MPP7: variants seen among roughly 807,000 people sequenced by gnomAD.
The protein encoded by MPP7 is MAGUK p55 scaffold protein 7.
A neutral mutation model predicts 76.5 loss-of-function variants in MPP7; 60 were observed. The observed-to-expected ratio is 0.78, with a 90% CI of 0.64 to 0.97. The LOEUF (loss-of-function observed/expected upper bound fraction) is 0.97. Ranked by LOEUF, MPP7 falls within the 50% of genes least tolerant of loss-of-function variation. MPP7 has a pLI of 0.00. For missense variants in MPP7, 641 were observed against 694.0 expected, an observed-to-expected ratio of 0.92 and a Z score of 0.86; for synonymous variants, 237 against 244.5, an observed-to-expected ratio of 0.97 and a Z score of 0.29.
At chr10:28,295,667 G>A (rs1022020023) in intron 1 of MPP7, among the ~76,000 whole-genome samples, 3 of 152,138 alleles carry the variant, frequency 2.0e-5, no homozygotes, top group Non-Finnish European at 4.4e-5. Flanking sequence ...TGAAGCTAAG[G>A]AATGCCTAAT....
In MPP7 at chr10:28,109,109, G is replaced by A. The variant is rs1258529689; in HGVS notation, c.952+10542C>T. 2.6e-5 allele frequency among the ~76,000 whole-genome samples: 4 copies of A among 152,130 alleles called. No individual in the cohort carries two copies. In the South Asian group the frequency reaches 6.2e-4, roughly 24 times the overall value. ...TTGAGACCAGCCTGGCCAACATGGC[G>A]AAACCCTGTCTCTACTAAAAATACA... On this transcript the variant is annotated intron_variant, in intron 11 of 16. Coordinates refer to ENST00000683449, the MANE Select transcript of MPP7 (RefSeq NM_001318170.2).
chr10:28,165,189 T>C (rs1386037737), intron 3 of MPP7, among the ~76,000 whole-genome samples: 1 of 152,126 alleles, frequency 6.6e-6, no homozygotes, highest in Non-Finnish European at 1.5e-5. Flanking sequence ...CCTGTGACTA[T>C]GTTACCTCAC....
At chr10:28,145,733 G>A (rs992850240) in intron 5 of MPP7, among the ~76,000 whole-genome samples, 7 of 152,058 alleles carry the variant, frequency 4.6e-5, no homozygotes, top group South Asian at 2.1e-4. Flanking sequence ...ATGAATATAC[G>A]TCTTTCATGC....
chr10:28,172,331 A>G (rs1429549346), intron 3 of MPP7, among the ~76,000 whole-genome samples: 1 of 152,242 alleles, frequency 6.6e-6, no homozygotes, highest in Admixed American at 6.5e-5. Flanking sequence ...AAAAATCTTA[A>G]AAACAGTCAG....
At chr10:28,060,223 C>A (rs1247112686) in intron 13 of MPP7, among the ~76,000 whole-genome samples, 1 of 152,112 alleles carries the variant, frequency 6.6e-6, no homozygotes, top group African/African-American at 2.4e-5. Flanking sequence ...CCAAGTGAAG[C>A]CAAATACTTC....
At chr10:28,290,214 G>C (rs1015296700) in intron 1 of MPP7, among the ~76,000 whole-genome samples, 1 of 151,338 alleles carries the variant, frequency 6.6e-6, no homozygotes, top group South Asian at 2.1e-4. Flanking sequence ...CAAAATAAAA[G>C]TATGCCTTGT....
At chr10:28,241,950 G>C (rs1195482222) in intron 1 of MPP7, among the ~76,000 whole-genome samples, 4 of 152,054 alleles carry the variant, frequency 2.6e-5, no homozygotes. Flanking sequence ...TACCCACTCT[G>C]GGTAACTCTT....
chr10:28,130,805 T>C (rs1280847195), intron 6 of MPP7, among the ~76,000 whole-genome samples: 1 of 152,230 alleles, frequency 6.6e-6, no homozygotes, highest in Non-Finnish European at 1.5e-5. Flanking sequence ...CACACAATAA[T>C]CTTACTTTAC....
intron 1 of MPP7, among the ~76,000 whole-genome samples, chr10:28,290,728 C>T (rs1470016593): frequency 6.6e-6 from 1 of 152,166 alleles, no homozygotes; most frequent in African/African-American, 2.4e-5. Context: ...CCACCTCAGC[C>T]TCCCAAAGTG....
chr10:28,157,832 C>T (rs756385943), intron 3 of MPP7, among the ~76,000 whole-genome samples: 1 of 152,226 alleles, frequency 6.6e-6, no homozygotes, highest in Non-Finnish European at 1.5e-5. Context: ...AACAGTCTTA[C>T]CCAATCAAAA....
At chr10:28,081,702 A>G (rs575629534) in intron 12 of MPP7, among the ~76,000 whole-genome samples, 3 of 152,176 alleles carry the variant, frequency 2.0e-5, no homozygotes, top group Non-Finnish European at 4.4e-5. Context: ...AATATTTATG[A>G]AACGGTTTCA....
chr10:28,222,268 G>A (rs566936666), intron 2 of MPP7, among the ~76,000 whole-genome samples: 1 of 151,830 alleles, frequency 6.6e-6, no homozygotes, highest in South Asian at 2.1e-4. Flanking sequence ...GGAGGCTGAT[G>A]CAGGAGGGCC....
intron 1 of MPP7, among the ~76,000 whole-genome samples, chr10:28,292,943 A>C (rs1330824232): frequency 6.6e-6 from 1 of 152,126 alleles, no homozygotes; most frequent in African/African-American, 2.4e-5. Flanking sequence ...TATTTAGTAA[A>C]TGAGATTTGG....
intron 3 of MPP7, among the ~76,000 whole-genome samples, chr10:28,174,751 T>C (rs952418640): frequency 4.6e-5 from 7 of 152,114 alleles, no homozygotes; most frequent in Admixed American, 1.3e-4. Context: ...CAGAAACACA[T>C]ACACATTCAG....
At chr10:28,293,673 A>C (rs916787480) in intron 1 of MPP7, among the ~76,000 whole-genome samples, 1 of 152,142 alleles carries the variant, frequency 6.6e-6, no homozygotes, top group African/African-American at 2.4e-5. Context: ...CTGGGGAGGG[A>C]GCGGAGCGGG....
At chr10:28,176,865 C>T (rs1232237916) in intron 3 of MPP7, among the ~76,000 whole-genome samples, 38 of 97,874 alleles carry the variant, frequency 3.9e-4, no homozygotes, top group African/African-American at 1.3e-3. Context: ...CATCACACAG[C>T]GGAGCCTGTC....
intron 13 of MPP7, among the ~76,000 whole-genome samples, chr10:28,061,964 A>T (rs1166525464): frequency 2.0e-5 from 3 of 152,180 alleles, no homozygotes; most frequent in Non-Finnish European, 2.9e-5. Flanking sequence ...TCAGATGAAG[A>T]GAAACTAACA....
At chr10:28,072,145 G>T (rs1852267836) in intron 12 of MPP7, among the ~76,000 whole-genome samples, 1 of 152,084 alleles carries the variant, frequency 6.6e-6, no homozygotes, top group Admixed American at 6.6e-5. Context: ...ATGGTGGCAG[G>T]CACCTGTAGT....
chr10:28,233,946 G>A (rs1838981336), intron 2 of MPP7, among the ~76,000 whole-genome samples: 1 of 150,794 alleles, frequency 6.6e-6, no homozygotes. Context: ...GACAGAAGAG[G>A]GAAGAGAGAA....
Sources: allele counts gnomAD v4.1 joint callset (sites outside exome capture counted in the v4.1 genomes callset), GRCh38; gene constraint gnomAD v4.1.1; transcripts MANE v1.5; gene names NCBI Gene and HGNC (gene_info 2026-07-23, HGNC 2026-07-21).